The following GTF2I variants were observed in gnomAD, a reference collection of about 807,000 sequenced individuals.
GTF2I encodes the protein general transcription factor II-I.
Under a neutral mutation model 67.6 loss-of-function variants are expected in GTF2I, and 12 were observed. That is an observed-to-expected ratio of 0.18 (90% CI 0.11 to 0.29). The LOEUF (loss-of-function observed/expected upper bound fraction) is 0.29, where lower values mean the gene tolerates loss of function less well. GTF2I is among the 10% of genes least tolerant of loss of function. GTF2I has a pLI of 1.00. For missense variants in GTF2I, 271 were observed against 580.1 expected (o/e 0.47, Z 5.47); for synonymous variants, 149 against 197.0 (o/e 0.76, Z 2.04).
At chr7:74,675,518 G>A (rs1805819193) in intron 1 of GTF2I, among the ~76,000 whole-genome samples, 1 of 151,982 alleles carries the variant, frequency 6.6e-6, no homozygotes, top group Non-Finnish European at 1.5e-5. Context: ...TCTCCTTTTA[G>A]TATTGAGGAA....
At chr7:74,724,443 T>C (rs1007634024) in intron 12 of GTF2I, among the ~76,000 whole-genome samples, 5 of 152,206 alleles carry the variant, frequency 3.3e-5, no homozygotes, top group Non-Finnish European at 7.3e-5. Context: ...GATAAACAGC[T>C]TTAGCTCTGA....
chr7:74,731,086 G>A (rs1416851507), intron 14 of GTF2I, among the ~76,000 whole-genome samples: 3 of 150,170 alleles, frequency 2.0e-5, no homozygotes, highest in Non-Finnish European at 4.4e-5. Context: ...CTGTCCTATA[G>A]CCACCTTTAT....
In GTF2I at chr7:74,658,026, G is replaced by C. The variant is rs1302695724; in HGVS notation, c.-48G>C. 3 of 151,496 alleles carry C rather than the reference G, an allele frequency of 2.0e-5. No individual in the cohort carries two copies. The highest frequency in any genetic ancestry group is 4.4e-5 in the Non-Finnish European group (3 of 67,848). 9.4% of individuals were successfully genotyped at this position (151,496 alleles called of 1,614,324 possible). On this transcript the variant is annotated 5_prime_UTR_variant, in exon 1 of 35. Transcript: ENST00000573035. Reference sequence around the variant, plus strand: ...GCGCGGCCCACACTCGCCTCCCCTCGGCACCCCCGGCCCCGGAGCTGCCTG... The same window carrying C: ...GCGCGGCCCACACTCGCCTCCCCTCCGCACCCCCGGCCCCGGAGCTGCCTG...
intron 3 of GTF2I, among the ~76,000 whole-genome samples, chr7:74,698,280 G>A (rs1444996749): frequency 6.6e-6 from 1 of 151,310 alleles, no homozygotes; most frequent in Non-Finnish European, 1.5e-5. Context: ...TAGTAGAGAC[G>A]GTGGTTTCAT....
intron 2 of GTF2I, 111 bp from the exon 3 acceptor site, chr7:74,690,862 C>T: frequency 2.0e-6 from 2 of 1,015,816 alleles, no homozygotes; most frequent in Admixed American, 2.5e-5. Flanking sequence ...CAAAAACTAT[C>T]TTGAAAGAGA....
chr7:74,690,497 T>C (rs782685383), intron 2 of GTF2I, among the ~76,000 whole-genome samples: 2 of 152,208 alleles, frequency 1.3e-5, no homozygotes, highest in African/African-American at 2.4e-5. Flanking sequence ...GTGGGGATTA[T>C]GTAATGAATG....
At chr7:74,726,939 G>GATAC (rs1323724266) in intron 12 of GTF2I, 1 of 151,144 alleles carries the variant, frequency 6.6e-6, no homozygotes, top group Non-Finnish European at 1.5e-5. Context: ...TAGATAGATA[G>GATAC]ATAGAAAGAA....
At chr7:74,688,074 A>G (rs2131281471) in intron 1 of GTF2I, among the ~76,000 whole-genome samples, 1 of 152,160 alleles carries the variant, frequency 6.6e-6, no homozygotes, top group East Asian at 1.9e-4. Flanking sequence ...TATTTTGGTA[A>G]AATATACATA....
At chr7:74,682,113 CTTAA>C (rs782386318) in intron 1 of GTF2I, among the ~76,000 whole-genome samples, 2 of 152,100 alleles carry the variant, frequency 1.3e-5, no homozygotes, top group Non-Finnish European at 2.9e-5. Flanking sequence ...AACCTTTAGA[CTTAA>C]TTAATTAAAT....
chr7:74,660,398 G>T (rs1002556311), intron 1 of GTF2I, among the ~76,000 whole-genome samples: 1 of 151,720 alleles, frequency 6.6e-6, no homozygotes, highest in African/African-American at 2.4e-5. Flanking sequence ...CGCCATGTTT[G>T]TCAGGCTGGT....
Position 74,659,504 on chromosome 7 carries a change from C to T in GTF2I, c.-6+1436C>T, listed in dbSNP as rs372133208. The stretch of plus-strand genomic sequence containing the variant: ...TCCCGGGTTCAAGCCGTTCTCCTGC[C>T]TCAGCCTCCTGAGTAGCTGGGATTA... On this transcript the variant is annotated intron_variant, in intron 1 of 34. Transcript: ENST00000573035. 4.6e-5 allele frequency among the ~76,000 whole-genome samples: 7 copies of T among 152,160 alleles called. No individual in the cohort carries two copies. The East Asian group carries it at 9.7e-4, about 21-fold the overall frequency.
intron 3 of GTF2I, among the ~76,000 whole-genome samples, chr7:74,697,051 G>C (rs1474301760): frequency 6.6e-6 from 1 of 151,980 alleles, no homozygotes; most frequent in Non-Finnish European, 1.5e-5. Context: ...TCATTTTACT[G>C]GTAATACTTT....
intron 12 of GTF2I, among the ~76,000 whole-genome samples, chr7:74,721,632 A>C (rs1554404637): frequency 6.6e-6 from 1 of 152,090 alleles, no homozygotes; most frequent in African/African-American, 2.4e-5. Context: ...CAATATTAAC[A>C]AGGAAGGTCA....
chr7:74,696,322 T>C (rs1488949062), intron 3 of GTF2I, among the ~76,000 whole-genome samples: 2 of 151,534 alleles, frequency 1.3e-5, no homozygotes, highest in Non-Finnish European at 2.9e-5. Context: ...GGTTTCTGTA[T>C]CTAATTCTCC....
chr7:74,658,194 C>G (rs1164038472), intron 1 of GTF2I, 126 bp downstream of exon 1: 1 of 150,898 alleles, frequency 6.6e-6, no homozygotes, highest in Non-Finnish European at 1.5e-5. Context: ...GAGCCGCGGC[C>G]CGCCGCGCGC....
chr7:74,723,058 C>G (rs1396830224), intron 12 of GTF2I, among the ~76,000 whole-genome samples: 4 of 151,582 alleles, frequency 2.6e-5, no homozygotes, highest in Admixed American at 6.6e-5. Context: ...AGGGACTAAA[C>G]TATTCATATG....
intron 1 of GTF2I, among the ~76,000 whole-genome samples, chr7:74,672,859 T>C (rs1318324571): frequency 2.0e-5 from 3 of 152,124 alleles, no homozygotes; most frequent in African/African-American, 4.8e-5. Flanking sequence ...ATGAGTTTAC[T>C]GTTTTGTTTT....
At chr7:74,725,586 TGG>T (rs1793662886) in intron 12 of GTF2I, among the ~76,000 whole-genome samples, 1 of 151,398 alleles carries the variant, frequency 6.6e-6, no homozygotes, top group African/African-American at 2.4e-5. Flanking sequence ...CCCAGCTATT[TGG>T]GAGGCTGAGG....
At position 74,660,747 on chromosome 7, in the gene GTF2I, G is replaced by C. The variant is rs56152767; in HGVS notation, c.-6+2679G>C. Among the ~76,000 whole-genome samples, 194 of 151,294 alleles carry C rather than the reference G, an allele frequency of 1.3e-3. 1 individual carries two copies. Among genetic ancestry groups the C allele is most frequent in the Non-Finnish European group, 2.2e-3 (147 of 67,894 alleles). ...AGCGATTCTCCTGCTTCAGACTCCT[G>C]AGTAGCTGGGATTACAGGAGCGCTC... On this transcript the variant is annotated intron_variant, in intron 1 of 34. Coordinates refer to ENST00000573035, the MANE Select transcript of GTF2I (RefSeq NM_032999.4).
Sources: gnomAD v4.1 joint callset for allele counts (sites outside exome capture counted in the v4.1 genomes callset) on GRCh38, gnomAD v4.1.1 for gene constraint, MANE v1.5 for transcripts, NCBI Gene and HGNC (gene_info 2026-07-23, HGNC 2026-07-21) for gene names.